Variants in RPRD2 observed in about 807,000 individuals in gnomAD.
RPRD2 encodes the protein regulation of nuclear pre-mRNA domain containing 2, also known as regulation of nuclear pre-mRNA domain-containing protein 2.
In RPRD2, 12 loss-of-function variants were observed where a neutral mutation model predicts 104.4. The observed-to-expected ratio is 0.11, with a 90% CI of 0.07 to 0.19. RPRD2 has a LOEUF of 0.19. RPRD2 is among the 10% of genes least tolerant of loss of function. The pLI is 1.00. For missense variants in RPRD2, 1,543 were observed against 1,790.1 expected (o/e 0.86, Z 2.49); for synonymous variants, 714 against 684.9 (o/e 1.04, Z -0.66).
At chr1:150,431,120 A>G (rs1665537618) in intron 2 of RPRD2, among the ~76,000 whole-genome samples, 1 of 152,174 alleles carries the variant, frequency 6.6e-6, no homozygotes, top group Admixed American at 6.6e-5. Flanking sequence ...CTATAATTCA[A>G]AACAAACAAA....
At chr1:150,449,992 A>G (rs1241858728) in intron 7 of RPRD2, among the ~76,000 whole-genome samples, 1 of 152,012 alleles carries the variant, frequency 6.6e-6, no homozygotes, top group African/African-American at 2.4e-5. Context: ...TAGATATTCT[A>G]CTAACTAGTC....
rs34795861 is a variant in RPRD2 at position 150,432,643 on chromosome 1, C to CA, written c.336-8268dup. Reference sequence around the variant, plus strand: ...AAGAAAATGATAAAAAAAAAAAAGCCAAAAAAAAAAAAGATCAGTATAAAA... The same window carrying CA: ...AAGAAAATGATAAAAAAAAAAAAGCCAAAAAAAAAAAAAGATCAGTATAAAA... On this transcript the variant is annotated intron_variant, in intron 2 of 10. Transcript: ENST00000369068. Among the ~76,000 whole-genome samples the CA allele has an allele frequency of 7.4e-3, 944 of 127,088 alleles. 9 individuals are homozygous for CA. Among genetic ancestry groups the CA allele is most frequent in the African/African-American group, 0.021 (753 of 35,784 alleles). 83.4% of individuals were successfully genotyped at this position (127,088 alleles called of 152,430 possible).
chr1:150,418,961 G>A (rs971586010), intron 2 of RPRD2, among the ~76,000 whole-genome samples: 3 of 152,112 alleles, frequency 2.0e-5, no homozygotes, highest in African/African-American at 4.8e-5. Flanking sequence ...GCAGTAAGCC[G>A]AGATCACGCC....
chr1:150,415,046 C>T (rs1274323535), intron 1 of RPRD2, among the ~76,000 whole-genome samples: 12 of 152,134 alleles, frequency 7.9e-5, no homozygotes, highest in South Asian at 4.1e-4. Context: ...AATAAGAGGT[C>T]GGGTGCGGTG....
intron 1 of RPRD2, among the ~76,000 whole-genome samples, chr1:150,394,667 C>T (rs1662352677): frequency 2.0e-5 from 3 of 152,128 alleles, no homozygotes; most frequent in Admixed American, 2.0e-4. Context: ...TCTCGGCTCA[C>T]TGCAACCTCA....
intron 1 of RPRD2, among the ~76,000 whole-genome samples, chr1:150,396,971 TC>T (rs1167250284): frequency 6.6e-6 from 1 of 152,150 alleles, no homozygotes; most frequent in Non-Finnish European, 1.5e-5. Flanking sequence ...ATTAAAATTT[TC>T]TTTCTTTATT....
rs587601626 is a variant in RPRD2 at position 150,389,439 on chromosome 1, T to C, written c.205+24520T>C. On this transcript the variant is annotated intron_variant, in intron 1 of 10. Coordinates refer to ENST00000369068, the MANE Select transcript of RPRD2 (RefSeq NM_015203.5). ...TCTGTTTTTTTGTGGTTGTTTTTTG[T>C]TTTAATGATTAGCTGGGGTTATTGT... is the stretch of plus-strand genomic sequence containing the variant. Among the ~76,000 whole-genome samples, 4 of 152,304 alleles carry C rather than the reference T, an allele frequency of 2.6e-5. No individual in the cohort carries two copies. In the South Asian group the frequency reaches 8.3e-4, roughly 32 times the overall value.
At chr1:150,371,522 C>G (rs1386946199) in intron 1 of RPRD2, among the ~76,000 whole-genome samples, 2 of 152,296 alleles carry the variant, frequency 1.3e-5, no homozygotes, top group South Asian at 2.1e-4. Context: ...AGGCACCCAC[C>G]ACCAGGCTGG....
At position 150,417,836 on chromosome 1, in the gene RPRD2, A is replaced by G. The variant is rs987571830; in HGVS notation, c.335+111A>G. 3 of 745,948 alleles carry G rather than the reference A, an allele frequency of 4.0e-6. No individual in the cohort carries two copies. The African/African-American group carries it at 5.4e-5, about 13-fold the overall frequency. The allele number at this position is 745,948 out of a possible 1,614,324, so 46.2% of individuals were successfully genotyped here. On this transcript the variant is annotated intron_variant, in intron 2 of 10. Coordinates refer to ENST00000369068, the MANE Select transcript of RPRD2 (RefSeq NM_015203.5). The stretch of plus-strand genomic sequence containing the variant: ...TGAACATGCTTGAAGATTAAGGATA[A>G]TTTGCCTAAATGGTTGATTATTACT...
chr1:150,367,016 C>T (rs1378370442), intron 1 of RPRD2, among the ~76,000 whole-genome samples: 1 of 152,120 alleles, frequency 6.6e-6, no homozygotes, highest in Non-Finnish European at 1.5e-5. Context: ...GCTATTGTGC[C>T]TGAGCTTATT....
At position 150,367,369 on chromosome 1, in the gene RPRD2, T is replaced by C. The variant is rs1031436542; in HGVS notation, c.205+2450T>C. On this transcript the variant is annotated intron_variant, in intron 1 of 10. Coordinates refer to ENST00000369068, the MANE Select transcript of RPRD2 (RefSeq NM_015203.5). Reference sequence around the variant, plus strand: ...TATACTTAGTTTACTCTGAGTTTGGTTTCTAAGTCAGCTTTAGGAAAAATT... The same window carrying C: ...TATACTTAGTTTACTCTGAGTTTGGCTTCTAAGTCAGCTTTAGGAAAAATT... Among the ~76,000 whole-genome samples, 8 of 151,522 alleles carry C rather than the reference T, an allele frequency of 5.3e-5. No homozygotes were observed. In the East Asian group the frequency reaches 1.6e-3, roughly 29 times the overall value.
intron 1 of RPRD2, among the ~76,000 whole-genome samples, chr1:150,387,366 G>C (rs1034911717): frequency 6.6e-6 from 1 of 152,106 alleles, no homozygotes; most frequent in East Asian, 1.9e-4. Context: ...GCAAAAACAG[G>C]TGTGTTAGGG....
intron 1 of RPRD2, among the ~76,000 whole-genome samples, chr1:150,391,514 C>A (rs186117294): frequency 2.0e-5 from 3 of 152,220 alleles, no homozygotes; most frequent in Admixed American, 2.0e-4. Context: ...AGAAAAAAAT[C>A]TAAGAGATAA....
chr1:150,394,257 T>C (rs1038329429), intron 1 of RPRD2, among the ~76,000 whole-genome samples: 1 of 151,744 alleles, frequency 6.6e-6, no homozygotes, highest in Non-Finnish European at 1.5e-5. Context: ...TTCATGTTAG[T>C]CAGGCTGTTC....
intron 1 of RPRD2, among the ~76,000 whole-genome samples, chr1:150,406,526 C>G (rs367704465): frequency 2.6e-5 from 4 of 152,126 alleles, no homozygotes; most frequent in Non-Finnish European, 5.9e-5. Context: ...CCTGCCTCAG[C>G]CTCTTGAGTA....
intron 1 of RPRD2, among the ~76,000 whole-genome samples, chr1:150,403,646 T>C (rs1663239602): frequency 6.7e-6 from 1 of 148,540 alleles, no homozygotes; most frequent in Non-Finnish European, 1.5e-5. Flanking sequence ...CCACATTCTT[T>C]TACCCAATAT....
At chr1:150,410,274 G>A (rs1192635390) in intron 1 of RPRD2, among the ~76,000 whole-genome samples, 2 of 152,074 alleles carry the variant, frequency 1.3e-5, no homozygotes, top group African/African-American at 4.8e-5. Flanking sequence ...GGACCATTAT[G>A]GGAGGGATTT....
chr1:150,377,493 G>A (rs1176370647), intron 1 of RPRD2, among the ~76,000 whole-genome samples: 4 of 151,848 alleles, frequency 2.6e-5, no homozygotes, highest in African/African-American at 9.7e-5. Context: ...AGCTACTCGG[G>A]AGGCTGAGGC....
chr1:150,473,169 C>G lies in RPRD2; in HGVS notation c.4221C>G (p.Ile1407Met). ...TGGGTCCCTCACACAGAGACACCAT[C>G]AGCCGGAGTGGTATAATCTTACGGA... is the stretch of plus-strand genomic sequence containing the variant. ...PPLGPSHRDT[I>M]SRSGIILRSP... The change falls in exon 11 of 11, where the codon ATC becomes ATG. Residue 1407 changes from isoleucine to methionine, a missense_variant. Ile to Met is a conservative substitution (Grantham distance 10, BLOSUM62 1). Transcript: ENST00000369068. The G allele has an allele frequency of 6.2e-7, 1 of 1,614,006 alleles. No individual in the cohort carries two copies. Among genetic ancestry groups the G allele is most frequent in the Non-Finnish European group, 8.5e-7 (1 of 1,179,876 alleles).
Sources: gnomAD v4.1 joint callset for allele counts (sites outside exome capture counted in the v4.1 genomes callset) on GRCh38, gnomAD v4.1.1 for gene constraint, MANE v1.5 for transcripts, NCBI Gene and HGNC (gene_info 2026-07-23, HGNC 2026-07-21) for gene names.